Variants in FANCL observed in about 807,000 individuals in gnomAD.
The protein encoded by FANCL is FA complementation group L, also known as E3 ubiquitin-protein ligase FANCL.
Under a neutral mutation model 59.4 loss-of-function variants are expected in FANCL, and 69 were observed. That is an observed-to-expected ratio of 1.16 (90% CI 0.96 to 1.42). FANCL has a LOEUF of 1.42. FANCL is among the 40% of genes most tolerant of loss of function. FANCL has a pLI of 0.00. For missense variants in FANCL, 519 were observed against 447.2 expected, an observed-to-expected ratio of 1.16 and a Z score of -1.45; for synonymous variants, 180 against 147.1, an observed-to-expected ratio of 1.22 and a Z score of -1.62.
In FANCL at chr2:58,160,152, G is replaced by A; in HGVS notation, c.1048C>T (p.Gln350Ter). The A allele has an allele frequency of 6.2e-7, 1 of 1,612,840 alleles. No homozygotes were observed. Among genetic ancestry groups the A allele is most frequent in the South Asian group, 1.1e-5 (1 of 91,070 alleles). The change falls in exon 13 of 14, where the codon CAG (glutamine) becomes TAG (stop). Residue 350 changes from glutamine (Q) to a stop codon, truncating the protein, a stop_gained. Coordinates refer to ENST00000233741, the MANE Select transcript of FANCL (RefSeq NM_018062.4). LOFTEE classifies it high-confidence loss of function. ...EWLRGLLTSRQSFNIIFGECP... is the reference protein window; with the variant it reads ...EWLRGLLTSR The stretch of plus-strand genomic sequence containing the variant: ...TCACCAAATATGATGTTAAAACTCT[G>A]TCTACTAGTTAGTAGTCCTCTCAGC...
rs767985150 is a variant in FANCL, at chr2:58,165,918, C to CAAT, written c.541-47_541-45dup. The CAAT allele has an allele frequency of 7.0e-6, 11 of 1,574,990 alleles. No individual in the cohort carries two copies. The South Asian group carries it at 8.9e-5, about 13-fold the overall frequency. On this transcript the variant is annotated intron_variant, in intron 7 of 13. Transcript: ENST00000233741. ...TTGAATAAGTTATATGGTACTCTAC[C>CAAT]AATAGCAGATAATCTTTTACTTAAA...
chr2:58,199,687 A>G (rs1258526343), intron 6 of FANCL, among the ~76,000 whole-genome samples: 2 of 152,170 alleles, frequency 1.3e-5, no homozygotes, highest in Non-Finnish European at 2.9e-5. Context: ...TTATTAGAGA[A>G]TCATACTTAA....
At chr2:58,165,676 A>AT (rs1685858010) in intron 8 of FANCL, 48 bp downstream of exon 8, 1 of 1,607,294 alleles carries the variant, frequency 6.2e-7, no homozygotes. Context: ...TTTTCATAAT[A>AT]CAAAATAAAA....
intron 5 of FANCL, among the ~76,000 whole-genome samples, chr2:58,219,996 A>G (rs978690046): frequency 2.0e-5 from 3 of 152,284 alleles, no homozygotes; most frequent in Admixed American, 1.3e-4. Flanking sequence ...CTCAAGAGCA[A>G]TTATACAAGA....
At chr2:58,240,354 G>A (rs557562879) in intron 1 of FANCL, among the ~76,000 whole-genome samples, 51 of 152,256 alleles carry the variant, frequency 3.3e-4, no homozygotes, top group African/African-American at 1.2e-3. Context: ...ACAAGGTTGA[G>A]TGTAATGGTC....
chr2:58,165,301 G>A (rs1433320998), intron 8 of FANCL, among the ~76,000 whole-genome samples: 1 of 152,118 alleles, frequency 6.6e-6, no homozygotes, highest in Non-Finnish European at 1.5e-5. Flanking sequence ...TCTACTGCAA[G>A]TTCTTTTATC....
chr2:58,223,266 T>C (rs1203228218), intron 4 of FANCL, among the ~76,000 whole-genome samples: 1 of 151,936 alleles, frequency 6.6e-6, no homozygotes, highest in African/African-American at 2.4e-5. Flanking sequence ...ATGACTAATG[T>C]TGCCTAAAAA....
At chr2:58,207,452 G>A (rs894935687) in intron 5 of FANCL, among the ~76,000 whole-genome samples, 20 of 152,114 alleles carry the variant, frequency 1.3e-4, no homozygotes, top group East Asian at 7.7e-4. Context: ...CAGTCACAGC[G>A]GATGGCTGAG....
At position 58,163,018 on chromosome 2, in the gene FANCL, A is replaced by C; in HGVS notation, c.821+11T>G. 6.2e-7 allele frequency: 1 copy of C among 1,612,714 alleles called. No individual in the cohort carries two copies. Among genetic ancestry groups the C allele is most frequent in the Non-Finnish European group, 8.5e-7 (1 of 1,178,934 alleles). ...ACCAAAAAGTAAAAATTATATTGCC[A>C]AGGTACCTACCACAAATGTATGTTC... On this transcript the variant is annotated intron_variant, in intron 10 of 13. Transcript: ENST00000233741.
chr2:58,218,906 C>T (rs573103330), intron 5 of FANCL, among the ~76,000 whole-genome samples: 1 of 151,164 alleles, frequency 6.6e-6, no homozygotes. Context: ...TATACAAAAA[C>T]ATTTACAAGT....
At chr2:58,189,768 T>G (rs1688744408) in intron 7 of FANCL, among the ~76,000 whole-genome samples, 1 of 152,100 alleles carries the variant, frequency 6.6e-6, no homozygotes, top group South Asian at 2.1e-4. Context: ...TTATTTCCAG[T>G]ATTTTAATAA....
intron 7 of FANCL, among the ~76,000 whole-genome samples, chr2:58,189,876 A>T (rs1431165670): frequency 1.3e-5 from 2 of 151,982 alleles, no homozygotes; most frequent in Non-Finnish European, 2.9e-5. Context: ...TTCAATTCTG[A>T]TCTTTTTTAT....
At chr2:58,161,400 T>A in intron 12 of FANCL, 122 bp downstream of exon 12, 1 of 749,946 alleles carries the variant, frequency 1.3e-6, no homozygotes, top group Non-Finnish European at 2.4e-6. Flanking sequence ...GTAAAAGGAG[T>A]TAATGGCAAA....
chr2:58,174,887 G>A (rs148083066), intron 7 of FANCL, among the ~76,000 whole-genome samples: 9,020 of 152,110 alleles, frequency 0.059, 901 homozygotes, highest in African/African-American at 0.21. Flanking sequence ...TTGATAGACC[G>A]CTAGCAAGAC....
chr2:58,220,527 C>A (rs1157566132), intron 5 of FANCL, among the ~76,000 whole-genome samples: 2 of 152,188 alleles, frequency 1.3e-5, no homozygotes, highest in African/African-American at 4.8e-5. Context: ...GCATTTTTAT[C>A]ACCTCTAGAA....
intron 5 of FANCL, among the ~76,000 whole-genome samples, chr2:58,215,888 C>T (rs534593434): frequency 6.6e-6 from 1 of 151,358 alleles, no homozygotes; most frequent in Non-Finnish European, 1.5e-5. Flanking sequence ...AAAAGTCAAG[C>T]AGAAAGGCAA....
chr2:58,193,671 C>A (rs760183197), intron 7 of FANCL, among the ~76,000 whole-genome samples: 39 of 151,978 alleles, frequency 2.6e-4, no homozygotes, highest in Non-Finnish European at 5.0e-4. Context: ...TACTGTAAGT[C>A]CTCCAACAAA....
At chr2:58,171,165 A>G (rs890814956) in intron 7 of FANCL, among the ~76,000 whole-genome samples, 6 of 152,116 alleles carry the variant, frequency 3.9e-5, no homozygotes, top group East Asian at 1.9e-4. Context: ...ATGGAATTCA[A>G]TAAAATCTCT....
At chr2:58,237,485 C>A (rs1201364694) in intron 1 of FANCL, among the ~76,000 whole-genome samples, 1 of 151,844 alleles carries the variant, frequency 6.6e-6, no homozygotes, top group Non-Finnish European at 1.5e-5. Flanking sequence ...ATTTAAAGCA[C>A]TAAATATCTG....
Sources: allele counts gnomAD v4.1 joint callset (sites outside exome capture counted in the v4.1 genomes callset), GRCh38; gene constraint gnomAD v4.1.1; transcripts MANE v1.5; gene names NCBI Gene and HGNC (gene_info 2026-07-23, HGNC 2026-07-21).